TOP6BL: variants seen among roughly 807,000 people sequenced by gnomAD.
TOP6BL encodes the protein TOP6B like initiator of meiotic double strand breaks, also known as type 2 DNA topoisomerase 6 subunit B-like.
the TOP6BL span, chr11:66,801,289 T>C: frequency 1.6e-6 from 1 of 607,298 alleles, no homozygotes; most frequent in East Asian, 2.9e-5. Flanking sequence ...TTTATGTATT[T>C]GAATCTATTC....
At chr11:66,752,142 C>CTTTTT in the TOP6BL span, among the ~76,000 whole-genome samples, 3 of 137,914 alleles carry the variant, frequency 2.2e-5, no homozygotes, top group South Asian at 2.3e-4. Flanking sequence ...CCCTCTCTCT[C>CTTTTT]TTTTTTTTTT....
At chr11:66,804,396 CA>C in the TOP6BL span, among the ~76,000 whole-genome samples, 1 of 152,152 alleles carries the variant, frequency 6.6e-6, no homozygotes, top group Non-Finnish European at 1.5e-5. Context: ...ATGCGTTTTT[CA>C]TACAATCCAA....
At chr11:66,822,668 C>A in the TOP6BL span, 2 of 1,541,826 alleles carry the variant, frequency 1.3e-6, no homozygotes, top group Middle Eastern at 1.7e-4. Context: ...GTCTCCAGAC[C>A]CTTCAAGTTA....
chr11:66,806,761 A>T, the TOP6BL span, among the ~76,000 whole-genome samples: 7 of 148,208 alleles, frequency 4.7e-5, no homozygotes, highest in Non-Finnish European at 1.0e-4. Context: ...GTCTCAAAAT[A>T]AAAAAAAAGA....
the TOP6BL span, chr11:66,843,207 G>A: frequency 2.5e-6 from 4 of 1,610,802 alleles, no homozygotes; most frequent in Non-Finnish European, 3.4e-6. Flanking sequence ...ACCTGTCAGA[G>A]TGGCTGAGTC....
At chr11:66,784,474 AT>A in the TOP6BL span, among the ~76,000 whole-genome samples, 1 of 152,122 alleles carries the variant, frequency 6.6e-6, no homozygotes, top group Non-Finnish European at 1.5e-5. Context: ...TATAACTGTT[AT>A]CACTATCCAA....
At chr11:66,770,015 G>A in the TOP6BL span, among the ~76,000 whole-genome samples, 3 of 152,140 alleles carry the variant, frequency 2.0e-5, no homozygotes, top group African/African-American at 7.2e-5. Context: ...AAAGTGCTGG[G>A]ATTACAGGCG....
At chr11:66,760,905 A>C in the TOP6BL span, among the ~76,000 whole-genome samples, 2 of 152,106 alleles carry the variant, frequency 1.3e-5, no homozygotes, top group Non-Finnish European at 2.9e-5. Flanking sequence ...TTTTAATGAC[A>C]AATTTTCTTC....
the TOP6BL span, among the ~76,000 whole-genome samples, chr11:66,837,044 C>T: frequency 2.0e-5 from 3 of 151,956 alleles, no homozygotes; most frequent in African/African-American, 7.3e-5. Context: ...GTAACAGTAC[C>T]TTAGCAGGTA....
the TOP6BL span, chr11:66,838,348 G>A: frequency 3.7e-6 from 6 of 1,611,002 alleles, no homozygotes; most frequent in Non-Finnish European, 5.1e-6. Flanking sequence ...ACTCACTTAG[G>A]ACTTCTAATT....
chr11:66,821,220 A>G, the TOP6BL span, among the ~76,000 whole-genome samples: 1 of 151,810 alleles, frequency 6.6e-6, no homozygotes, highest in Admixed American at 6.6e-5. Context: ...TGTACTCAGT[A>G]TTGGATTTAA....
chr11:66,796,182 T>C, the TOP6BL span: 2 of 876,508 alleles, frequency 2.3e-6, no homozygotes, highest in Non-Finnish European at 3.5e-6. Context: ...AAAAGCTTTC[T>C]GAGGTATAGT....
the TOP6BL span, among the ~76,000 whole-genome samples, chr11:66,757,292 G>A: frequency 1.3e-5 from 2 of 152,206 alleles, no homozygotes; most frequent in Non-Finnish European, 2.9e-5. Context: ...GCAGTGAGCT[G>A]AGATTGTGCC....
the TOP6BL span, among the ~76,000 whole-genome samples, chr11:66,750,935 G>T: frequency 6.6e-6 from 1 of 151,450 alleles, no homozygotes; most frequent in South Asian, 2.1e-4. Flanking sequence ...AAACCCCTGG[G>T]CTCAAGCAGT....
At chr11:66,823,243 G>C in the TOP6BL span, among the ~76,000 whole-genome samples, 8 of 142,604 alleles carry the variant, frequency 5.6e-5, no homozygotes, top group Non-Finnish European at 3.0e-5. Flanking sequence ...GCAGTGAGCC[G>C]AGATCGCCCC....
chr11:66,747,112 T>A, the TOP6BL span, among the ~76,000 whole-genome samples: 1 of 151,806 alleles, frequency 6.6e-6, no homozygotes, highest in African/African-American at 2.4e-5. Flanking sequence ...AATTTTTGTA[T>A]TTTTAGTAGA....
chr11:66,784,805 T>C, the TOP6BL span, among the ~76,000 whole-genome samples: 1 of 151,656 alleles, frequency 6.6e-6, no homozygotes, highest in Non-Finnish European at 1.5e-5. Flanking sequence ...TTAGCTGTTC[T>C]GAGTAATCCT....
the TOP6BL span, among the ~76,000 whole-genome samples, chr11:66,785,876 C>T: frequency 8.5e-5 from 13 of 152,190 alleles, no homozygotes; most frequent in African/African-American, 1.4e-4. Flanking sequence ...TTTTCCTAGT[C>T]TAGGCCCAAA....
the TOP6BL span, among the ~76,000 whole-genome samples, chr11:66,746,185 A>G: frequency 6.6e-6 from 1 of 152,200 alleles, no homozygotes; most frequent in Non-Finnish European, 1.5e-5. Context: ...ATTCTTGTTA[A>G]CTGGTACAAA....
Sources: allele counts gnomAD v4.1 joint callset (sites outside exome capture counted in the v4.1 genomes callset), GRCh38; gene constraint gnomAD v4.1.1; transcripts MANE v1.5; gene names NCBI Gene and HGNC (gene_info 2026-07-23, HGNC 2026-07-21).